Variants in ANKS1A observed in about 807,000 individuals in gnomAD.
ANKS1A encodes ankyrin repeat and SAM domain-containing protein 1A.
Under a neutral mutation model 120.3 loss-of-function variants are expected in ANKS1A, and 55 were observed. The observed-to-expected ratio is 0.46, with a 90% CI of 0.37 to 0.57. ANKS1A has a LOEUF of 0.57. Among genes scored for constraint, ANKS1A ranks in the 20% least tolerant of loss-of-function variants. The probability of loss-of-function intolerance (pLI) is 0.00; values close to 1 mark genes in which losing one functional copy is unlikely to be tolerated. For missense variants in ANKS1A, 1,123 were observed against 1,480.3 expected, an observed-to-expected ratio of 0.76 and a Z score of 3.96; for synonymous variants, 590 against 604.7, an observed-to-expected ratio of 0.98 and a Z score of 0.36.
At chr6:35,059,479 C>T (rs1776376620) in intron 12 of ANKS1A, among the ~76,000 whole-genome samples, 1 of 152,234 alleles carries the variant, frequency 6.6e-6, no homozygotes, top group Non-Finnish European at 1.5e-5. Flanking sequence ...AAGTAAAAGT[C>T]TCTTTTCTCC....
Position 35,060,350 on chromosome 6 carries a change from C to A in ANKS1A, c.2184+97C>A. On this transcript the variant is annotated intron_variant, in intron 13 of 23. Coordinates refer to ENST00000360359, the MANE Select transcript of ANKS1A (RefSeq NM_015245.3). The surrounding 1 kb of genome is among the most constrained non-coding windows in gnomAD (Gnocchi z 4.5). ...GGCCCCACAGGAGTCTGCAACAGTA[C>A]GTAGACCCAAATCCCAGGGAAAGCT... 1.9e-6 allele frequency: 2 copies of A among 1,049,092 alleles called. No individual in the cohort carries two copies. Among genetic ancestry groups the A allele is most frequent in the East Asian group, 2.6e-5 (1 of 38,012 alleles). The allele number at this position is 1,049,092 out of a possible 1,614,324, so 65.0% of individuals were successfully genotyped here. A position where few individuals can be genotyped will look rare whatever the true frequency, so the allele number is the denominator to read the frequency against.
At chr6:35,043,473 T>C (rs886265278) in intron 11 of ANKS1A, among the ~76,000 whole-genome samples, 4 of 152,246 alleles carry the variant, frequency 2.6e-5, no homozygotes, top group Non-Finnish European at 1.5e-5. Flanking sequence ...AGAGGGGTTC[T>C]GTGTCTCTGG....
At chr6:34,906,380 G>A (rs1394373555) in intron 1 of ANKS1A, among the ~76,000 whole-genome samples, 1 of 152,170 alleles carries the variant, frequency 6.6e-6, no homozygotes, top group Non-Finnish European at 1.5e-5. Context: ...GTGTGAGTGG[G>A]AGGTTGCTCT....
chr6:34,967,233 T>C lies in ANKS1A; in HGVS notation c.198-6T>C, dbSNP rs1366425616. On this transcript the variant is annotated splice_polypyrimidine_tract_variant and splice_region_variant and intron_variant, in intron 1 of 23. Coordinates refer to ENST00000360359, the MANE Select transcript of ANKS1A (RefSeq NM_015245.3). Reference sequence around the variant, plus strand: ...TATGTCTCTCTCTTTTTTTTTTCCCTGATAGCATGTGGAGAGGGCCAAATG... The same window carrying C: ...TATGTCTCTCTCTTTTTTTTTTCCCCGATAGCATGTGGAGAGGGCCAAATG... 2 of 1,612,316 alleles carry C rather than the reference T, an allele frequency of 1.2e-6. No homozygotes were observed. Among genetic ancestry groups the C allele is most frequent in the Non-Finnish European group, 1.7e-6 (2 of 1,179,408 alleles).
At chr6:34,978,344 C>A (rs374479203) in intron 3 of ANKS1A, among the ~76,000 whole-genome samples, 1 of 152,148 alleles carries the variant, frequency 6.6e-6, no homozygotes, top group Admixed American at 6.5e-5. Flanking sequence ...TCCATTTTCT[C>A]AGTCCAGATT....
intron 11 of ANKS1A, among the ~76,000 whole-genome samples, chr6:35,027,606 T>G (rs1027533988): frequency 6.6e-6 from 1 of 152,172 alleles, no homozygotes; most frequent in Non-Finnish European, 1.5e-5. Flanking sequence ...AAACAATTAA[T>G]CTGGACCTCA....
Position 34,889,504 on chromosome 6 carries a change from CGGCGGCGGCGGTGGCTCTGGG to C in ANKS1A, c.114_134del (p.Ser47_Gly53del), listed in dbSNP as rs1766680454. On this transcript the variant is annotated inframe_deletion, in exon 1 of 24. Coordinates refer to ENST00000360359, the MANE Select transcript of ANKS1A (RefSeq NM_015245.3). This position sits in a 1 kb window ranked among gnomAD's most constrained non-coding sequence, Gnocchi z 5.5. ...AGCGGCTCTCCTCAGGCTTTGGGGGCGGCGGCGGCGGTGGCTCTGGGGGCGGCGGCGGCGGCAGCGGCGGCG... is the reference window on the plus strand; with the variant it reads ...AGCGGCTCTCCTCAGGCTTTGGGGGCGGCGGCGGCGGCGGCAGCGGCGGCG... The C allele has an allele frequency of 3.2e-6, 4 of 1,269,706 alleles. No individual in the cohort carries two copies. The highest frequency in any genetic ancestry group is 1.6e-5 in the African/African-American group (1 of 64,190). 78.7% of individuals were successfully genotyped at this position (1,269,706 alleles called of 1,614,324 possible).
chr6:34,988,543 C>T (rs1772334810), intron 8 of ANKS1A, among the ~76,000 whole-genome samples: 1 of 152,216 alleles, frequency 6.6e-6, no homozygotes, highest in Admixed American at 6.5e-5. Flanking sequence ...TTGCAGTGAG[C>T]CGAGATCGCG....
chr6:34,911,555 T>C (rs1767908470), intron 1 of ANKS1A, among the ~76,000 whole-genome samples: 1 of 152,218 alleles, frequency 6.6e-6, no homozygotes, highest in Non-Finnish European at 1.5e-5. Flanking sequence ...TGTCTCCTCA[T>C]GAGGCTCAAG....
chr6:35,043,677 C>T (rs754337273), intron 11 of ANKS1A, among the ~76,000 whole-genome samples: 15 of 152,200 alleles, frequency 9.9e-5, no homozygotes, highest in Non-Finnish European at 2.1e-4. Context: ...AGGAGGAAGT[C>T]ATTTTTTAAA....
chr6:35,001,846 G>GTTGGAGTT (rs1192774556), intron 10 of ANKS1A, among the ~76,000 whole-genome samples: 2 of 152,102 alleles, frequency 1.3e-5, no homozygotes, highest in African/African-American at 2.4e-5. Flanking sequence ...AAAAATGGCA[G>GTTGGAGTT]TTGGAGTTTT....
chr6:35,014,240 T>C (rs988171496), intron 10 of ANKS1A, among the ~76,000 whole-genome samples: 1 of 152,226 alleles, frequency 6.6e-6, no homozygotes, highest in African/African-American at 2.4e-5. Context: ...AACACCAGCC[T>C]TAGGGTCTTG....
At chr6:34,997,835 G>A (rs1772937191) in intron 10 of ANKS1A, among the ~76,000 whole-genome samples, 1 of 152,234 alleles carries the variant, frequency 6.6e-6, no homozygotes, top group Non-Finnish European at 1.5e-5. Context: ...AAGGGATTTT[G>A]TATCCCCATA....
chr6:34,994,976 G>A (rs750597719), intron 10 of ANKS1A, among the ~76,000 whole-genome samples: 2 of 152,170 alleles, frequency 1.3e-5, no homozygotes, highest in Non-Finnish European at 1.5e-5. Flanking sequence ...GATCCAGCCC[G>A]TCGATATAAG....
chr6:34,944,324 A>G (rs1432471223), intron 1 of ANKS1A, among the ~76,000 whole-genome samples: 2 of 152,090 alleles, frequency 1.3e-5, no homozygotes, highest in Admixed American at 6.6e-5. Flanking sequence ...CCAGCAATGA[A>G]TGAGAGTTCC....
chr6:34,913,716 C>T (rs1768013185), intron 1 of ANKS1A, among the ~76,000 whole-genome samples: 1 of 151,144 alleles, frequency 6.6e-6, no homozygotes, highest in Non-Finnish European at 1.5e-5. Flanking sequence ...GGCTCATAAC[C>T]TCCGCCTCCC....
At chr6:34,983,540 C>T in intron 7 of ANKS1A, 115 bp downstream of exon 7, 1 of 891,326 alleles carries the variant, frequency 1.1e-6, no homozygotes, top group South Asian at 1.7e-5. Context: ...ATTGTGAGTA[C>T]TTAGTTTATA....
intron 10 of ANKS1A, 135 bp from the exon 11 acceptor site, chr6:35,017,338 C>A: frequency 1.2e-6 from 1 of 867,702 alleles, no homozygotes; most frequent in Non-Finnish European, 1.7e-6. Context: ...TCCTCTCCCC[C>A]TCCCCAGCCT....
chr6:34,926,098 A>G (rs539172640), intron 1 of ANKS1A, among the ~76,000 whole-genome samples: 7 of 152,350 alleles, frequency 4.6e-5, no homozygotes, highest in African/African-American at 1.4e-4. Flanking sequence ...GTGAAGTAAA[A>G]TTATAACTAG....
Sources: gnomAD v4.1 joint callset for allele counts (sites outside exome capture counted in the v4.1 genomes callset) on GRCh38, gnomAD v4.1.1 for gene constraint, Gnocchi (gnomAD v3.1) non-coding constraint, MANE v1.5 for transcripts, NCBI Gene and HGNC (gene_info 2026-07-23, HGNC 2026-07-21) for gene names.